TEAD1: variants seen among roughly 807,000 people sequenced by gnomAD.
TEAD1 encodes the protein TEA domain transcription factor 1, also known as transcriptional enhancer factor TEF-1.
In TEAD1, 9 loss-of-function variants were observed where a neutral mutation model predicts 54.9. The observed-to-expected ratio is 0.16, with a 90% confidence interval of 0.10 to 0.29. TEAD1 has a LOEUF of 0.29. TEAD1 is among the 10% of genes least tolerant of loss of function. The probability of loss-of-function intolerance (pLI) is 1.00; values close to 1 mark genes in which losing one functional copy is unlikely to be tolerated. For missense variants in TEAD1, 387 were observed against 535.9 expected, an observed-to-expected ratio of 0.72 and a Z score of 2.74; for synonymous variants, 200 against 187.8, an observed-to-expected ratio of 1.07 and a Z score of -0.53.
intron 2 of TEAD1, among the ~76,000 whole-genome samples, chr11:12,707,698 T>G (rs1348408863): frequency 6.6e-6 from 1 of 152,234 alleles, no homozygotes; most frequent in Admixed American, 6.5e-5. Flanking sequence ...TATATTGAAC[T>G]GGGCTCTTTA....
intron 10 of TEAD1, among the ~76,000 whole-genome samples, chr11:12,905,877 G>A (rs182521763): frequency 4.6e-5 from 7 of 152,264 alleles, no homozygotes; most frequent in East Asian, 3.9e-4. Context: ...GCTAGACCAC[G>A]TGAGGGGTTT....
chr11:12,741,011 TG>T (rs144827647), intron 2 of TEAD1, among the ~76,000 whole-genome samples: 3,651 of 152,126 alleles, frequency 0.024, 160 homozygotes, highest in African/African-American at 0.084. Flanking sequence ...GCAAAAACAA[TG>T]GAACATTAAA....
intron 3 of TEAD1, among the ~76,000 whole-genome samples, chr11:12,844,345 G>A (rs1227121907): frequency 6.6e-6 from 1 of 152,106 alleles, no homozygotes; most frequent in African/African-American, 2.4e-5. Flanking sequence ...TTTCCTCATA[G>A]TTTTTTCTTT....
intron 3 of TEAD1, among the ~76,000 whole-genome samples, chr11:12,843,180 G>T (rs971488856): frequency 6.6e-6 from 1 of 152,154 alleles, no homozygotes; most frequent in Non-Finnish European, 1.5e-5. Context: ...TCTTGGTCTT[G>T]GGAGGGTGCA....
intron 2 of TEAD1, among the ~76,000 whole-genome samples, chr11:12,676,646 A>C (rs1052688362): frequency 2.6e-5 from 4 of 152,250 alleles, no homozygotes; most frequent in African/African-American, 9.6e-5. Flanking sequence ...GTGACTCAGG[A>C]AAGACAAATG....
intron 3 of TEAD1, among the ~76,000 whole-genome samples, chr11:12,836,626 A>T (rs536709372): frequency 6.6e-6 from 1 of 152,296 alleles, no homozygotes; most frequent in Non-Finnish European, 1.5e-5. Context: ...TAAATTTCAA[A>T]TATATGCTAC....
chr11:12,893,368 C>T (rs1948238854), intron 9 of TEAD1, among the ~76,000 whole-genome samples: 2 of 152,184 alleles, frequency 1.3e-5, no homozygotes, highest in South Asian at 4.1e-4. Context: ...TGCCGAGCCA[C>T]CTGCGAGCCC....
chr11:12,933,732 T>C (rs1443599289), intron 12 of TEAD1, among the ~76,000 whole-genome samples: 4 of 152,216 alleles, frequency 2.6e-5, no homozygotes, highest in African/African-American at 4.8e-5. Flanking sequence ...GTAAATGTTA[T>C]GTAATTCTCA....
intron 5 of TEAD1, among the ~76,000 whole-genome samples, chr11:12,874,273 A>G (rs1338389127): frequency 6.6e-6 from 1 of 152,214 alleles, no homozygotes; most frequent in Non-Finnish European, 1.5e-5. Context: ...CAGAATAATC[A>G]AAAGCTGAGA....
intron 3 of TEAD1, among the ~76,000 whole-genome samples, chr11:12,779,510 A>G (rs953562832): frequency 6.6e-6 from 1 of 152,216 alleles, no homozygotes; most frequent in Non-Finnish European, 1.5e-5. Flanking sequence ...TGGGACCAAT[A>G]TTGGCACCCC....
chr11:12,729,520 A>C (rs1263677209), intron 2 of TEAD1, among the ~76,000 whole-genome samples: 1 of 152,194 alleles, frequency 6.6e-6, no homozygotes, highest in East Asian at 1.9e-4. Context: ...GGGATTGTGG[A>C]GAAAGATGGA....
chr11:12,794,514 A>T (rs748437343), intron 3 of TEAD1, among the ~76,000 whole-genome samples: 18 of 152,194 alleles, frequency 1.2e-4, no homozygotes, highest in South Asian at 2.1e-4. Context: ...TCTTTTCGAC[A>T]TGTGACAGCC....
At chr11:12,793,183 A>G (rs781643615) in intron 3 of TEAD1, among the ~76,000 whole-genome samples, 7 of 152,160 alleles carry the variant, frequency 4.6e-5, no homozygotes. Context: ...GAGCAATTAA[A>G]GTGGGTTTTC....
chr11:12,745,021 G>A (rs1454296926), intron 2 of TEAD1, among the ~76,000 whole-genome samples: 2 of 152,118 alleles, frequency 1.3e-5, no homozygotes, highest in Non-Finnish European at 2.9e-5. Context: ...TCCAGGGCTC[G>A]GCTAATTTTA....
intron 3 of TEAD1, chr11:12,823,613 G>A (rs902622907): frequency 1.3e-5 from 2 of 152,190 alleles, no homozygotes; most frequent in Non-Finnish European, 2.9e-5. Flanking sequence ...CTTCCTTGAT[G>A]TGAATAATTT....
chr11:12,804,816 G>A (rs1037924030), intron 3 of TEAD1, among the ~76,000 whole-genome samples: 1 of 152,112 alleles, frequency 6.6e-6, no homozygotes. Context: ...TAGAGAGAAC[G>A]TAAAAACTAG....
At chr11:12,748,968 C>T (rs545464863) in intron 2 of TEAD1, among the ~76,000 whole-genome samples, 3 of 152,166 alleles carry the variant, frequency 2.0e-5, no homozygotes, top group African/African-American at 7.2e-5. Context: ...TATGCTCCAG[C>T]CAGTTTACCT....
At chr11:12,832,605 C>A (rs906295693) in intron 3 of TEAD1, among the ~76,000 whole-genome samples, 1 of 152,190 alleles carries the variant, frequency 6.6e-6, no homozygotes, top group Admixed American at 6.5e-5. Flanking sequence ...GAATGTTCAA[C>A]CTCTATGAAG....
At chr11:12,883,948 T>TCG (rs1948029938) in intron 9 of TEAD1, among the ~76,000 whole-genome samples, 1 of 147,510 alleles carries the variant, frequency 6.8e-6, no homozygotes, top group African/African-American at 2.5e-5. Context: ...TGAGCCAAGA[T>TCG]CGCGCCACTG....
Sources: gnomAD v4.1 joint callset for allele counts (sites outside exome capture counted in the v4.1 genomes callset) on GRCh38, gnomAD v4.1.1 for gene constraint, MANE v1.5 for transcripts, NCBI Gene and HGNC (gene_info 2026-07-23, HGNC 2026-07-21) for gene names.